ATP13A4: variants seen among roughly 807,000 people sequenced by gnomAD.
ATP13A4 encodes the protein ATPase 13A4, also known as probable cation-transporting ATPase 13A4.
A neutral mutation model predicts 142.5 loss-of-function variants in ATP13A4; 114 were observed. That is an observed-to-expected ratio of 0.80 (90% CI 0.69 to 0.93). The LOEUF is 0.93. Ranked by LOEUF, ATP13A4 falls within the 40% of genes least tolerant of loss-of-function variation. The probability of loss-of-function intolerance (pLI) is 0.00; values close to 1 mark genes in which losing one functional copy is unlikely to be tolerated. For synonymous variants in ATP13A4, 488 were observed against 514.8 expected (o/e 0.95, Z 0.70); for missense variants, 1,392 against 1,454.0 (o/e 0.96, Z 0.69).
chr3:193,552,733 A>G (rs1014895286), intron 1 of ATP13A4, among the ~76,000 whole-genome samples: 2 of 152,210 alleles, frequency 1.3e-5, no homozygotes, highest in Admixed American at 6.5e-5. Context: ...AGAGCTGTCA[A>G]CTTAAACTAA....
At chr3:193,450,108 T>C (rs116143137) in intron 17 of ATP13A4, among the ~76,000 whole-genome samples, 2,820 of 144,596 alleles carry the variant, frequency 0.02, 99 homozygotes, top group African/African-American at 0.068. Flanking sequence ...ATGAAACCTG[T>C]CTCACAAAAA....
At chr3:193,541,443 A>ATCTGTG in intron 1 of ATP13A4, among the ~76,000 whole-genome samples, 2 of 140,690 alleles carry the variant, frequency 1.4e-5, no homozygotes, top group African/African-American at 6.0e-5. Flanking sequence ...ACAGATTATT[A>ATCTGTG]ACCTGCTTAC....
rs139597201 is a variant in ATP13A4, at chr3:193,402,210, T to C, written c.*442A>G. On this transcript the variant is annotated 3_prime_UTR_variant, in exon 30 of 30. Transcript: ENST00000342695. ...AGAAAAGGAACCCAGACAGTAAAGA[T>C]TGGTGTAATGTTTCCCACGCATTAG... is the stretch of plus-strand genomic sequence containing the variant. 5.9e-3 allele frequency: 984 copies of C among 168,046 alleles called. 15 individuals are homozygous for C. Among genetic ancestry groups the C allele is most frequent in the Middle Eastern group, 0.022 (7 of 324 alleles). The allele number at this position is 168,046 out of a possible 1,614,324, so 10.4% of individuals were successfully genotyped here. A position where few individuals can be genotyped will look rare whatever the true frequency, so the allele number is the denominator to read the frequency against.
At chr3:193,554,265 C>T (rs934644715) in intron 1 of ATP13A4, 1 of 202,150 alleles carries the variant, frequency 4.9e-6, no homozygotes, top group South Asian at 9.0e-5. Context: ...TCTTCCCTGT[C>T]CAACAGACTC....
chr3:193,560,274 T>G (rs1422359733), intron 2 of ATP13A4, among the ~76,000 whole-genome samples: 4 of 151,828 alleles, frequency 2.6e-5, no homozygotes, highest in Admixed American at 2.6e-4. Context: ...AGAGGTGCAA[T>G]CATGGTTCAC....
intron 25 of ATP13A4, among the ~76,000 whole-genome samples, chr3:193,425,553 T>C (rs1201127481): frequency 1.3e-5 from 2 of 151,738 alleles, no homozygotes; most frequent in Non-Finnish European, 3.0e-5. Context: ...TCTTGTTGAT[T>C]GCAACAACAT....
Position 193,453,547 on chromosome 3 carries a change from G to A in ATP13A4, c.2027+554C>T, listed in dbSNP as rs143888857. Among the ~76,000 whole-genome samples the A allele has an allele frequency of 4.6e-5, 7 of 152,228 alleles. No homozygotes were observed. The East Asian group carries it at 1.2e-3, about 25-fold the overall frequency. ...CGCATCTCTATTTTAATCCTAAAAT[G>A]TAAAATTTAATCTATAGGTTAAAAT... is the stretch of plus-strand genomic sequence containing the variant. On this transcript the variant is annotated intron_variant, in intron 17 of 29. Coordinates refer to ENST00000342695, the MANE Select transcript of ATP13A4 (RefSeq NM_032279.4).
intron 1 of ATP13A4, among the ~76,000 whole-genome samples, chr3:193,522,472 T>C (rs1721776593): frequency 1.3e-5 from 2 of 152,282 alleles, no homozygotes; most frequent in South Asian, 2.1e-4. Context: ...AGGTAACGTT[T>C]GGGGAGGTTA....
intron 16 of ATP13A4, among the ~76,000 whole-genome samples, chr3:193,455,002 A>G (rs1717504593): frequency 6.6e-6 from 1 of 152,154 alleles, no homozygotes; most frequent in Non-Finnish European, 1.5e-5. Context: ...TAAGGAACTT[A>G]AAGAACATTT....
chr3:193,522,672 C>T lies in ATP13A4; in HGVS notation c.61-7801G>A, dbSNP rs1014693193. Among the ~76,000 whole-genome samples, 34 of 152,176 alleles carry T rather than the reference C, an allele frequency of 2.2e-4. 1 individual carries two copies. The highest frequency in any genetic ancestry group is 7.2e-4 in the African/African-American group (30 of 41,456). ...CACTTGTTGATTGTCCAGATTTGAG[C>T]TAATGGATGTGCTGCCCAGACAGGT... On this transcript the variant is annotated intron_variant, in intron 1 of 29. Transcript: ENST00000342695.
intron 7 of ATP13A4, among the ~76,000 whole-genome samples, chr3:193,486,784 C>G (rs1719647352): frequency 6.6e-6 from 1 of 151,982 alleles, no homozygotes; most frequent in African/African-American, 2.4e-5. Context: ...TTGGCATGTA[C>G]AGCTATAAAA....
chr3:193,466,671 G>T (rs189141377), intron 10 of ATP13A4, among the ~76,000 whole-genome samples: 131 of 152,268 alleles, frequency 8.6e-4, no homozygotes, highest in Non-Finnish European at 1.3e-3. Context: ...TGCTGGCCAT[G>T]GTATTTTTTT....
At chr3:193,450,444 G>T (rs1323152744) in intron 17 of ATP13A4, among the ~76,000 whole-genome samples, 2 of 152,192 alleles carry the variant, frequency 1.3e-5, no homozygotes, top group Non-Finnish European at 2.9e-5. Flanking sequence ...CTGAGAAAAA[G>T]TGGCAGAGAA....
Position 193,489,741 on chromosome 3 carries a change from C to G in ATP13A4, c.727G>C (p.Asp243His). The G allele has an allele frequency of 6.2e-7, 1 of 1,609,092 alleles. No homozygotes were observed. Among genetic ancestry groups the G allele is most frequent in the Non-Finnish European group, 8.5e-7 (1 of 1,175,586 alleles). ...SIISISLTVY[D>H]LREQSVKLHH... The stretch of plus-strand genomic sequence containing the variant: ...ATAGAAAAACTCACCTCTCTGAGAT[C>G]ATATACTGTCAAAGATATGGAAATT... The change falls in exon 7 of 30, where the codon GAT becomes CAT. Residue 243 changes from aspartate (D) to histidine (H), a missense_variant. Transcript: ENST00000342695.
intron 1 of ATP13A4, among the ~76,000 whole-genome samples, chr3:193,548,662 T>C (rs1017028469): frequency 6.6e-6 from 1 of 152,140 alleles, no homozygotes; most frequent in African/African-American, 2.4e-5. Flanking sequence ...GGAGGTGCTT[T>C]TGCTCCCGGG....
At chr3:193,484,284 T>TG (rs1719476849) in intron 7 of ATP13A4, among the ~76,000 whole-genome samples, 2 of 151,542 alleles carry the variant, frequency 1.3e-5, no homozygotes, top group African/African-American at 4.9e-5. Flanking sequence ...AACTCCAGCC[T>TG]GGGCGACAGA....
At chr3:193,414,491 A>T (rs1714944797) in intron 26 of ATP13A4, 88 bp downstream of exon 26, 12 of 1,492,072 alleles carry the variant, frequency 8.0e-6, no homozygotes, top group Middle Eastern at 3.5e-4. Context: ...TGGCAGAATG[A>T]AGACCCATGT....
chr3:193,470,143 T>G (rs1405616180), intron 9 of ATP13A4, among the ~76,000 whole-genome samples: 1 of 152,214 alleles, frequency 6.6e-6, no homozygotes, highest in Non-Finnish European at 1.5e-5. Flanking sequence ...TGAGAAACAT[T>G]TTATGATTCT....
intron 13 of ATP13A4, among the ~76,000 whole-genome samples, chr3:193,460,316 AAGAC>A (rs1717879465): frequency 1.3e-5 from 2 of 152,340 alleles, no homozygotes; most frequent in South Asian, 4.1e-4. Flanking sequence ...ACCACATTTC[AAGAC>A]AGACAATTAC....
Sources: gnomAD v4.1 joint callset for allele counts (sites outside exome capture counted in the v4.1 genomes callset) on GRCh38, gnomAD v4.1.1 for gene constraint, MANE v1.5 for transcripts, NCBI Gene and HGNC (gene_info 2026-07-23, HGNC 2026-07-21) for gene names.